The following CCDC110 variants were observed in gnomAD, a reference collection of about 807,000 sequenced individuals.
CCDC110 encodes coiled-coil domain-containing protein 110.
In CCDC110, 70 loss-of-function variants were observed where a neutral mutation model predicts 77.1. The ratio of observed to expected loss-of-function variants is 0.91; its 90% CI spans 0.75 to 1.11. The LOEUF (loss-of-function observed/expected upper bound fraction) is 1.11. CCDC110 is among the 50% of genes least tolerant of loss of function. The probability of loss-of-function intolerance (pLI) is 0.00; values close to 1 mark genes in which losing one functional copy is unlikely to be tolerated. For synonymous variants in CCDC110, 295 were observed against 312.5 expected (o/e 0.94, Z 0.59); for missense variants, 868 against 942.9 (o/e 0.92, Z 1.04).
At chr4:185,460,803 G>A (rs752673161) in intron 5 of CCDC110, 20 of 391,190 alleles carry the variant, frequency 5.1e-5, no homozygotes, top group South Asian at 1.8e-4. Context: ...GAATTTACTC[G>A]GGAATCTTTC....
chr4:185,465,757 T>G (rs1044281574), intron 2 of CCDC110, among the ~76,000 whole-genome samples: 12 of 152,158 alleles, frequency 7.9e-5, no homozygotes, highest in African/African-American at 2.7e-4. Context: ...GAAGATATCT[T>G]GGACTAGAAT....
rs766240554 is a variant in CCDC110 at position 185,458,722 on chromosome 4, A to C, written c.1865T>G (p.Leu622Trp). 20 of 1,603,990 alleles carry C rather than the reference A, an allele frequency of 1.2e-5. No individual in the cohort carries two copies. Among genetic ancestry groups the C allele is most frequent in the Admixed American group, 8.6e-5 (5 of 58,306 alleles). ...EIIQLKEKERLAKTEQETLLQ... is the reference protein window; with the variant it reads ...EIIQLKEKERWAKTEQETLLQ... ...AAGTGTCTCTTGTTCCGTTTTTGCC[A>C]ATCTTTCTTTCTCTTTTAGCTGGAT... is the stretch of plus-strand genomic sequence containing the variant. The change falls in exon 6 of 7, where the codon TTG becomes TGG. Residue 622 changes from leucine (L) to tryptophan (W), a missense_variant. Coordinates refer to ENST00000307588, the MANE Select transcript of CCDC110 (RefSeq NM_152775.4).
In CCDC110 at chr4:185,459,153, C is replaced by A; in HGVS notation, c.1434G>T (p.Lys478Asn). 2 of 1,599,458 alleles carry A rather than the reference C, an allele frequency of 1.3e-6. No homozygotes were observed. Among genetic ancestry groups the A allele is most frequent in the Non-Finnish European group, 1.7e-6 (2 of 1,173,340 alleles). The change falls in exon 6 of 7, where the codon AAG (lysine) becomes AAT (asparagine). Residue 478 changes from lysine (K) to asparagine (N), a missense_variant. Coordinates refer to ENST00000307588, the MANE Select transcript of CCDC110 (RefSeq NM_152775.4). ...SLIQKVETYE[K>N]QLKNLVEEKS... Reference sequence around the variant, plus strand: ...TTTCTTCAACCAGATTCTTAAGTTGCTTTTCATATGTTTCAACTTTCTGTA... The same window carrying A: ...TTTCTTCAACCAGATTCTTAAGTTGATTTTCATATGTTTCAACTTTCTGTA...
intron 6 of CCDC110, chr4:185,452,235 A>C: frequency 1.0e-6 from 1 of 985,286 alleles, no homozygotes; most frequent in Non-Finnish European, 1.2e-6. Flanking sequence ...CTAGTTATCT[A>C]CTCTCCTGTT....
rs774973682 is a variant in CCDC110, at chr4:185,458,680, G to C, written c.1907C>G (p.Thr636Arg). The C allele has an allele frequency of 3.1e-6, 5 of 1,603,518 alleles. No homozygotes were observed. In the Admixed American group the frequency reaches 6.8e-5, roughly 22 times the overall value. Residue 636 changes from threonine to arginine, a missense_variant, in exon 6 of 7, where the codon ACA (threonine) becomes AGA (arginine). Coordinates refer to ENST00000307588, the MANE Select transcript of CCDC110 (RefSeq NM_152775.4). ...EQETLLQIIE[T>R]VKDEKLNLET... is the part of the protein sequence containing the mutation. ...AAGGTTGAGTTTTTCATCTTTAACT[G>C]TTTCTATTATTTGAAGAAGTGTCTC...
intron 2 of CCDC110, among the ~76,000 whole-genome samples, chr4:185,469,131 T>C (rs2095661295): frequency 6.6e-6 from 1 of 152,246 alleles, no homozygotes. Flanking sequence ...TCTATAACTC[T>C]TTGTAACCTG....
chr4:185,451,103 TC>T (rs2095628469), intron 6 of CCDC110, among the ~76,000 whole-genome samples: 1 of 152,144 alleles, frequency 6.6e-6, no homozygotes, highest in South Asian at 2.1e-4. Flanking sequence ...ATAAGGGGTT[TC>T]CCTCTCGCTT....
At chr4:185,461,014 C>A (rs369232704) in intron 5 of CCDC110, 35 bp downstream of exon 5, 1 of 848,190 alleles carries the variant, frequency 1.2e-6, no homozygotes, top group African/African-American at 2.4e-5. Context: ...TTTGAAGTAC[C>A]TACATATAGA....
At chr4:185,452,730 A>G (rs543415899) in intron 6 of CCDC110, among the ~76,000 whole-genome samples, 41 of 152,264 alleles carry the variant, frequency 2.7e-4, no homozygotes, top group African/African-American at 9.6e-4. Flanking sequence ...TACTGTCTTT[A>G]CCAAAAATAC....
intron 6 of CCDC110, among the ~76,000 whole-genome samples, chr4:185,454,731 A>T (rs1332883555): frequency 1.3e-5 from 2 of 152,106 alleles, no homozygotes; most frequent in Non-Finnish European, 2.9e-5. Context: ...TAAAAAAGAA[A>T]GAAAGTGACC....
chr4:185,448,251 C>T (rs2095620317), intron 6 of CCDC110, among the ~76,000 whole-genome samples: 1 of 152,134 alleles, frequency 6.6e-6, no homozygotes, highest in Non-Finnish European at 1.5e-5. Context: ...GAACTCCTGA[C>T]CTCAGGTGAT....
intron 6 of CCDC110, among the ~76,000 whole-genome samples, chr4:185,446,109 G>A (rs528007432): frequency 8.2e-4 from 125 of 152,190 alleles, no homozygotes; most frequent in African/African-American, 2.8e-3. Flanking sequence ...CCAAAGTGCT[G>A]GGATTACAGG....
In CCDC110 at chr4:185,458,788, C is replaced by G. The variant is rs1313305807; in HGVS notation, c.1799G>C (p.Ser600Thr). The change falls in exon 6 of 7, where the codon AGC (serine) becomes ACC (threonine). Residue 600 changes from serine (S) to threonine (T), a missense_variant. Ser to Thr is a moderately conservative substitution (Grantham distance 58). Coordinates refer to ENST00000307588, the MANE Select transcript of CCDC110 (RefSeq NM_152775.4). Reference protein sequence around the residue: ...KKTHQLLKEKSSLGNELKESQ... With the variant: ...KKTHQLLKEKTSLGNELKESQ... ...TTCTTTTAGTTCATTTCCAAGTGAG[C>G]TTTTTTCTTTTAGAAGCTGGTGTGT... is the stretch of plus-strand genomic sequence containing the variant. 6.2e-7 allele frequency: 1 copy of G among 1,610,056 alleles called. No individual in the cohort carries two copies. Among genetic ancestry groups the G allele is most frequent in the Non-Finnish European group, 8.5e-7 (1 of 1,179,158 alleles).
intron 2 of CCDC110, among the ~76,000 whole-genome samples, chr4:185,465,956 T>G (rs1016437225): frequency 6.6e-6 from 1 of 152,172 alleles, no homozygotes. Context: ...AGGAACATAC[T>G]TTAGGAGAAA....
intron 6 of CCDC110, chr4:185,457,832 G>A (rs1377231006): frequency 7.5e-7 from 1 of 1,332,718 alleles, no homozygotes; most frequent in South Asian, 1.4e-5. Context: ...AAAAAAAAAA[G>A]AATTCTTTTA....
chr4:185,447,352 T>C (rs547578139), intron 6 of CCDC110, among the ~76,000 whole-genome samples: 4 of 152,206 alleles, frequency 2.6e-5, no homozygotes, highest in African/African-American at 7.2e-5. Context: ...CGGCTAATTT[T>C]TGTATTTTTA....
rs1327751391 is a variant in CCDC110 at position 185,471,650 on chromosome 4, A to T, written c.10+24T>A. On this transcript the variant is annotated intron_variant, in intron 1 of 6. Coordinates refer to ENST00000307588, the MANE Select transcript of CCDC110 (RefSeq NM_152775.4). The stretch of plus-strand genomic sequence containing the variant: ...CCTCCGTTCCCGCGGCTCCCCTAGG[A>T]GCCCCGCCCCGTCCAACTCTTACCC... The T allele has an allele frequency of 3.2e-6, 5 of 1,554,352 alleles. No homozygotes were observed. In the East Asian group the frequency reaches 1.3e-4, roughly 41 times the overall value.
intron 5 of CCDC110, 43 bp downstream of exon 5, chr4:185,461,006 T>TTTTTTTTTTTTTTTTTTTTTTGAGACG (rs752972629): frequency 1.0e-6 from 1 of 993,324 alleles, no homozygotes; most frequent in African/African-American, 1.6e-5. Context: ...AGTCACGTTT[T>TTTTTTTTTTTTTTTTTTTTTTGAGACG]GAAGTACCTA....
intron 6 of CCDC110, among the ~76,000 whole-genome samples, chr4:185,447,331 G>C (rs28465017): frequency 1.3e-5 from 2 of 151,666 alleles, no homozygotes; most frequent in African/African-American, 4.8e-5. Context: ...ACAGGCGCCC[G>C]CCACCACGCC....
Sources: allele counts gnomAD v4.1 joint callset (sites outside exome capture counted in the v4.1 genomes callset), GRCh38; gene constraint gnomAD v4.1.1; transcripts MANE v1.5; gene names NCBI Gene and HGNC (gene_info 2026-07-23, HGNC 2026-07-21).